Variants in TENM1 observed in about 807,000 individuals in gnomAD.
TENM1 encodes teneurin-1.
In TENM1, 35 loss-of-function variants were observed where a neutral mutation model predicts 174.8. That is an observed-to-expected ratio of 0.20 (90% CI 0.15 to 0.27). The LOEUF is 0.27. Ranked by LOEUF, TENM1 falls within the 10% of genes least tolerant of loss-of-function variation. TENM1 has a pLI of 1.00. For missense variants in TENM1, 1,633 were observed against 2,130.1 expected, an observed-to-expected ratio of 0.77 and a Z score of 4.59; for synonymous variants, 781 against 798.7, an observed-to-expected ratio of 0.98 and a Z score of 0.37.
At chrX:124,861,950 T>A (rs754905587) in intron 3 of TENM1, among the ~76,000 whole-genome samples, 1 of 112,260 alleles carries the variant, frequency 8.9e-6, no homozygotes, top group Admixed American at 9.4e-5. Context: ...CATGCATTGA[T>A]TTGGCATATC....
chrX:124,869,101 T>C (rs2057061898), intron 3 of TENM1, among the ~76,000 whole-genome samples: 1 of 105,975 alleles, frequency 9.4e-6, no homozygotes, highest in African/African-American at 3.4e-5. Context: ...GGCATGGTGA[T>C]GTGCACCTGT....
chrX:124,740,836 T>C (rs1222476388), intron 3 of TENM1, among the ~76,000 whole-genome samples: 1 of 111,468 alleles, frequency 9.0e-6, no homozygotes, highest in Non-Finnish European at 1.9e-5. Flanking sequence ...TCAGAAGCTC[T>C]AGAACACCAA....
chrX:124,427,617 C>T (rs1415981263), intron 23 of TENM1, among the ~76,000 whole-genome samples: 4 of 111,856 alleles, frequency 3.6e-5, no homozygotes, highest in African/African-American at 6.5e-5. Context: ...TCTGCCTTTT[C>T]AGAAGCTGGA....
the TENM1 span, among the ~76,000 whole-genome samples, chrX:125,198,198 A>G: frequency 2.7e-5 from 3 of 112,185 alleles, no homozygotes; most frequent in African/African-American, 6.5e-5. Flanking sequence ...TGTTTTACAA[A>G]TTTCAAATAA....
At chrX:124,846,301 G>A (rs1406595599) in intron 3 of TENM1, among the ~76,000 whole-genome samples, 2 of 110,642 alleles carry the variant, frequency 1.8e-5, no homozygotes, top group Non-Finnish European at 3.8e-5. Flanking sequence ...CAATAAACTT[G>A]ACTTTCTGAG....
chrX:124,849,761 A>C (rs1327212589), intron 3 of TENM1, among the ~76,000 whole-genome samples: 1 of 111,721 alleles, frequency 9.0e-6, no homozygotes, highest in Non-Finnish European at 1.9e-5. Flanking sequence ...TAAGTTTGTG[A>C]TAATTTTTTA....
chrX:124,533,978 A>T (rs1025981091), intron 15 of TENM1, among the ~76,000 whole-genome samples: 1 of 111,797 alleles, frequency 8.9e-6, no homozygotes, highest in Non-Finnish European at 1.9e-5. Flanking sequence ...TTAGAGCAAG[A>T]TAACTTGAAC....
intron 1 of TENM1, among the ~76,000 whole-genome samples, chrX:124,897,438 C>G (rs1447732313): frequency 1.8e-5 from 2 of 111,381 alleles, no homozygotes; most frequent in African/African-American, 6.5e-5. Flanking sequence ...AATGCAAACT[C>G]TAACATGAAT....
At chrX:125,166,378 A>G in the TENM1 span, among the ~76,000 whole-genome samples, 1 of 111,234 alleles carries the variant, frequency 9.0e-6, no homozygotes, top group African/African-American at 3.3e-5. Context: ...TGCCTTGGGC[A>G]ATAAACTGGA....
At chrX:124,591,709 G>A (rs777642874) in intron 11 of TENM1, among the ~76,000 whole-genome samples, 62 of 111,206 alleles carry the variant, frequency 5.6e-4, no homozygotes, top group Non-Finnish European at 1.1e-3. Flanking sequence ...CATTGGTGAT[G>A]TTCATTCTGT....
chrX:125,188,264 TTGAGGCTGCAG>T, the TENM1 span, among the ~76,000 whole-genome samples: 1,482 of 110,316 alleles, frequency 0.013, 20 homozygotes, highest in African/African-American at 0.045. Context: ...GCCTGGAAGG[TTGAGGCTGCAG>T]TGAGGCTGCA....
At chrX:124,986,517 C>T in the TENM1 span, among the ~76,000 whole-genome samples, 1 of 112,186 alleles carries the variant, frequency 8.9e-6, no homozygotes, top group South Asian at 3.7e-4. Flanking sequence ...TAGAACCAAT[C>T]ATATTATTTG....
the TENM1 span, among the ~76,000 whole-genome samples, chrX:124,998,898 G>T: frequency 6.3e-5 from 7 of 111,478 alleles, no homozygotes; most frequent in Admixed American, 4.8e-4. Flanking sequence ...TAGTAATTGT[G>T]TTCTAAATCT....
chrX:125,018,905 A>C, the TENM1 span, among the ~76,000 whole-genome samples: 40 of 112,002 alleles, frequency 3.6e-4, no homozygotes, highest in East Asian at 0.011. Context: ...AACAAGTAAT[A>C]TAGATGTTTC....
At chrX:124,738,524 A>C (rs7055037) in intron 3 of TENM1, among the ~76,000 whole-genome samples, 19,760 of 111,093 alleles carry the variant, frequency 0.18, 2,360 homozygotes, top group African/African-American at 0.43. Flanking sequence ...CAAAAGATAG[A>C]TAGAGAAGGG....
the TENM1 span, among the ~76,000 whole-genome samples, chrX:125,124,418 A>G: frequency 8.9e-6 from 1 of 112,030 alleles, no homozygotes; most frequent in Non-Finnish European, 1.9e-5. Context: ...TGGTAACAAT[A>G]AAAATGAGCA....
chrX:124,465,221 G>A (rs1023023970), intron 22 of TENM1, among the ~76,000 whole-genome samples: 1 of 112,069 alleles, frequency 8.9e-6, no homozygotes, highest in Non-Finnish European at 1.9e-5. Context: ...CTCAACACAA[G>A]TGATGTTAGT....
chrX:125,046,414 T>C, the TENM1 span, among the ~76,000 whole-genome samples: 1 of 112,237 alleles, frequency 8.9e-6, no homozygotes, highest in Admixed American at 9.5e-5. Flanking sequence ...AGATACCTAC[T>C]ATGTCTTCTT....
the TENM1 span, among the ~76,000 whole-genome samples, chrX:125,014,609 A>C: frequency 1.3e-4 from 14 of 108,251 alleles, no homozygotes; most frequent in Non-Finnish European, 2.5e-4. Flanking sequence ...ACACTGATTT[A>C]GAAAAAAAAT....
Sources: gnomAD v4.1 joint callset for allele counts (sites outside exome capture counted in the v4.1 genomes callset) on GRCh38, gnomAD v4.1.1 for gene constraint, MANE v1.5 for transcripts, NCBI Gene and HGNC (gene_info 2026-07-23, HGNC 2026-07-21) for gene names.